The following ARHGEF4 variants were observed in gnomAD, a reference collection of about 807,000 sequenced individuals.
The protein encoded by ARHGEF4 is APC-stimulated guanine nucleotide exchange factor 1.
Under a neutral mutation model 162.0 loss-of-function variants are expected in ARHGEF4, and 119 were observed. The ratio of observed to expected loss-of-function variants is 0.73; its 90% CI spans 0.63 to 0.86. ARHGEF4 has a LOEUF of 0.86. Among genes scored for constraint, ARHGEF4 ranks in the 40% least tolerant of loss-of-function variants. The probability of loss-of-function intolerance (pLI) is 0.00; values close to 1 mark genes in which losing one functional copy is unlikely to be tolerated. For missense variants in ARHGEF4, 2,488 were observed against 2,456.0 expected (o/e 1.01, Z -0.28); for synonymous variants, 1,014 against 979.9 (o/e 1.03, Z -0.65).
At chr2:130,996,393 T>C (rs1288613293) in intron 4 of ARHGEF4, among the ~76,000 whole-genome samples, 1 of 152,226 alleles carries the variant, frequency 6.6e-6, no homozygotes, top group Non-Finnish European at 1.5e-5. Context: ...TGTTCTCCAC[T>C]AGTGAATTTT....
intron 4 of ARHGEF4, among the ~76,000 whole-genome samples, chr2:130,986,323 A>C (rs1227726262): frequency 6.6e-6 from 1 of 152,114 alleles, no homozygotes. Flanking sequence ...GTGTGTTCAC[A>C]TGGAGAGGCC....
At chr2:130,839,166 G>A (rs1196442291) in intron 1 of ARHGEF4, among the ~76,000 whole-genome samples, 1 of 152,020 alleles carries the variant, frequency 6.6e-6, no homozygotes, top group Non-Finnish European at 1.5e-5. Context: ...GTGTCTTGCC[G>A]AGCCACCGAC....
At chr2:130,865,414 G>A (rs1402184297) in intron 1 of ARHGEF4, among the ~76,000 whole-genome samples, 1 of 152,236 alleles carries the variant, frequency 6.6e-6, no homozygotes, top group Non-Finnish European at 1.5e-5. Context: ...TCTTAGCACT[G>A]ACGGTGCAGT....
At chr2:130,893,830 C>A (rs929158228) in intron 1 of ARHGEF4, among the ~76,000 whole-genome samples, 1 of 152,204 alleles carries the variant, frequency 6.6e-6, no homozygotes, top group Admixed American at 6.5e-5. Context: ...GGGGCCCTCT[C>A]CAAACTTAGC....
At chr2:131,038,349 CCTCCCTCCTGCAGCCTTGCAGCCCAGCCT>C (rs1690461272) in intron 5 of ARHGEF4, among the ~76,000 whole-genome samples, 1 of 141,330 alleles carries the variant, frequency 7.1e-6, no homozygotes, top group South Asian at 2.3e-4. Flanking sequence ...GCCCCCAGGC[CCTCCCTCCTGCAGCCTTGCAGCCCAGCCT>C]CTCCCTCCTG....
intron 1 of ARHGEF4, among the ~76,000 whole-genome samples, chr2:130,845,071 C>T (rs1205203081): frequency 6.6e-6 from 1 of 151,760 alleles, no homozygotes; most frequent in African/African-American, 2.4e-5. Context: ...ATCCGCCCTC[C>T]TCAGCCTCCC....
At chr2:130,979,146 G>GA (rs1558799126) in intron 4 of ARHGEF4, among the ~76,000 whole-genome samples, 2 of 152,146 alleles carry the variant, frequency 1.3e-5, no homozygotes, top group Non-Finnish European at 2.9e-5. Context: ...CCGTTGACAG[G>GA]AAAATTTGGT....
chr2:130,898,841 G>C (rs1680316335), intron 1 of ARHGEF4, among the ~76,000 whole-genome samples: 1 of 152,170 alleles, frequency 6.6e-6, no homozygotes, highest in Non-Finnish European at 1.5e-5. Flanking sequence ...GTGACAGACA[G>C]ATTGTAGTCT....
intron 4 of ARHGEF4, among the ~76,000 whole-genome samples, chr2:130,995,654 C>T (rs927865498): frequency 1.3e-5 from 2 of 152,164 alleles, no homozygotes; most frequent in African/African-American, 4.8e-5. Flanking sequence ...ATATTTGCTT[C>T]TGCCAAGGAA....
intron 4 of ARHGEF4, among the ~76,000 whole-genome samples, chr2:131,026,113 C>T (rs763612058): frequency 4.6e-5 from 7 of 152,190 alleles, no homozygotes; most frequent in African/African-American, 1.7e-4. Context: ...ACAGAGCAGA[C>T]ATTGTAGGTC....
chr2:130,907,510 C>A (rs1680902564), intron 1 of ARHGEF4, among the ~76,000 whole-genome samples: 6 of 151,528 alleles, frequency 4.0e-5, no homozygotes, highest in Admixed American at 3.9e-4. Flanking sequence ...AGCCACCATG[C>A]CCAGTCAGTT....
chr2:130,861,140 G>A (rs1681998338), intron 1 of ARHGEF4, among the ~76,000 whole-genome samples: 1 of 42,774 alleles, frequency 2.3e-5, no homozygotes, highest in Non-Finnish European at 3.7e-5. Flanking sequence ...AAATCAAAAT[G>A]GCAGATATAA....
At chr2:130,851,198 C>A (rs550594723) in intron 1 of ARHGEF4, among the ~76,000 whole-genome samples, 1 of 152,362 alleles carries the variant, frequency 6.6e-6, no homozygotes, top group Non-Finnish European at 1.5e-5. Flanking sequence ...CAGAGGCCAG[C>A]ATGTGCCTTT....
chr2:130,923,177 ACCT>A (rs1283434104), intron 2 of ARHGEF4, among the ~76,000 whole-genome samples: 6 of 152,082 alleles, frequency 3.9e-5, no homozygotes, highest in African/African-American at 1.4e-4. Context: ...TGATCCACCC[ACCT>A]CAGCCTCCCA....
At chr2:130,848,941 A>G (rs1267443070) in intron 1 of ARHGEF4, among the ~76,000 whole-genome samples, 1 of 152,110 alleles carries the variant, frequency 6.6e-6, no homozygotes, top group Non-Finnish European at 1.5e-5. Context: ...GGAGAGGCTA[A>G]GCGGGCCCTG....
intron 4 of ARHGEF4, among the ~76,000 whole-genome samples, chr2:131,001,601 G>A (rs989843436): frequency 2.6e-5 from 4 of 152,132 alleles, no homozygotes; most frequent in African/African-American, 9.7e-5. Flanking sequence ...AGATACTTCA[G>A]AGGTTAGTTT....
At chr2:130,889,826 A>G (rs551876210) in intron 1 of ARHGEF4, among the ~76,000 whole-genome samples, 110 of 152,002 alleles carry the variant, frequency 7.2e-4, no homozygotes, top group African/African-American at 2.6e-3. Flanking sequence ...AAAAAAAAAA[A>G]AAAAAAGTAC....
In ARHGEF4 at chr2:130,906,834, G is replaced by T. The variant is rs1417994073; in HGVS notation, c.40-7152G>T. On this transcript the variant is annotated intron_variant, in intron 1 of 13. Transcript: ENST00000409359. Reference sequence around the variant, plus strand: ...ATTTGGAGTGCAGCTAGAGTCATTTGTCAGTCTATAGTCCATCTTGGGTTT... The same window carrying T: ...ATTTGGAGTGCAGCTAGAGTCATTTTTCAGTCTATAGTCCATCTTGGGTTT... Among the ~76,000 whole-genome samples, 8 of 152,320 alleles carry T rather than the reference G, an allele frequency of 5.3e-5. No homozygotes were observed. The East Asian group carries it at 1.3e-3, about 26-fold the overall frequency.
chr2:130,908,266 G>T (rs1213241964), intron 1 of ARHGEF4, among the ~76,000 whole-genome samples: 1 of 152,180 alleles, frequency 6.6e-6, no homozygotes, highest in Non-Finnish European at 1.5e-5. Flanking sequence ...CATTGTCAGT[G>T]TATAGAAATG....
Sources: gnomAD v4.1 joint callset for allele counts (sites outside exome capture counted in the v4.1 genomes callset) on GRCh38, gnomAD v4.1.1 for gene constraint, MANE v1.5 for transcripts, NCBI Gene and HGNC (gene_info 2026-07-23, HGNC 2026-07-21) for gene names.